The following NRXN1 variants were observed in gnomAD, a reference collection of about 807,000 sequenced individuals.
NRXN1 encodes the protein neurexin 1.
A neutral mutation model predicts 150.9 loss-of-function variants in NRXN1; 39 were observed. That is an observed-to-expected ratio of 0.26 (90% CI 0.20 to 0.34). The LOEUF is 0.34. Among genes scored for constraint, NRXN1 ranks in the 10% least tolerant of loss-of-function variants. NRXN1 has a pLI of 1.00. For synonymous variants in NRXN1, 924 were observed against 757.0 expected (o/e 1.22, Z -3.62); for missense variants, 1,815 against 1,949.9 (o/e 0.93, Z 1.30).
At chr2:50,668,717 G>T (rs1688418147) in intron 5 of NRXN1, among the ~76,000 whole-genome samples, 1 of 151,982 alleles carries the variant, frequency 6.6e-6, no homozygotes, top group South Asian at 2.1e-4. Context: ...GGAACGCATG[G>T]ATAGCATTAA....
At chr2:50,248,104 C>T (rs1418251332) in intron 17 of NRXN1, among the ~76,000 whole-genome samples, 1 of 152,054 alleles carries the variant, frequency 6.6e-6, no homozygotes, top group East Asian at 1.9e-4. Context: ...CCTCAAACAC[C>T]TGGGCTCAAG....
intron 5 of NRXN1, among the ~76,000 whole-genome samples, chr2:50,794,605 G>A (rs1040822152): frequency 6.6e-6 from 1 of 152,020 alleles, no homozygotes; most frequent in East Asian, 1.9e-4. Context: ...AACACAAGGA[G>A]CAATTACTTA....
At chr2:50,910,218 G>T (rs1249149102) in intron 5 of NRXN1, among the ~76,000 whole-genome samples, 1 of 151,848 alleles carries the variant, frequency 6.6e-6, no homozygotes, top group Non-Finnish European at 1.5e-5. Flanking sequence ...TGTAGTTTGT[G>T]ATTTAAAAAG....
At chr2:50,272,204 C>T (rs2069776066) in intron 17 of NRXN1, among the ~76,000 whole-genome samples, 1 of 152,146 alleles carries the variant, frequency 6.6e-6, no homozygotes, top group Non-Finnish European at 1.5e-5. Context: ...ACAAGAAGTT[C>T]TGTAACTCTC....
chr2:50,386,340 A>G (rs2081324627), intron 17 of NRXN1, among the ~76,000 whole-genome samples: 1 of 152,052 alleles, frequency 6.6e-6, no homozygotes, highest in Non-Finnish European at 1.5e-5. Context: ...TATAATTGAA[A>G]ATTATCTTAG....
intron 18 of NRXN1, among the ~76,000 whole-genome samples, chr2:50,163,362 T>C (rs2059481716): frequency 6.6e-6 from 1 of 151,980 alleles, no homozygotes; most frequent in African/African-American, 2.4e-5. Context: ...TCTATTAAAT[T>C]ACCCGCGCAA....
At chr2:50,414,207 ATTGT>A (rs1055619722) in intron 17 of NRXN1, among the ~76,000 whole-genome samples, 2 of 152,058 alleles carry the variant, frequency 1.3e-5, no homozygotes, top group African/African-American at 4.8e-5. Flanking sequence ...GTGTAACTGG[ATTGT>A]TTGTAGCTCA....
chr2:50,335,765 G>A (rs554927879), intron 17 of NRXN1, among the ~76,000 whole-genome samples: 1 of 152,162 alleles, frequency 6.6e-6, no homozygotes, highest in Non-Finnish European at 1.5e-5. Context: ...ACCAGGAAAG[G>A]ATCTCAATTT....
chr2:50,942,897 G>A (rs538980343), intron 2 of NRXN1, among the ~76,000 whole-genome samples: 11 of 152,210 alleles, frequency 7.2e-5, no homozygotes, highest in Admixed American at 3.9e-4. Flanking sequence ...TTTGGTAGGC[G>A]CCAGGGATGG....
intron 18 of NRXN1, among the ~76,000 whole-genome samples, chr2:50,107,537 ATATT>A (rs1412626848): frequency 1.5e-3 from 186 of 122,148 alleles, no homozygotes; most frequent in African/African-American, 5.5e-3. Context: ...ATATATATAT[ATATT>A]TTTTTTTTTT....
At chr2:50,129,143 C>G (rs946862828) in intron 18 of NRXN1, among the ~76,000 whole-genome samples, 1 of 152,130 alleles carries the variant, frequency 6.6e-6, no homozygotes, top group Non-Finnish European at 1.5e-5. Context: ...CACAAACAAA[C>G]AAGAGAAATT....
intron 8 of NRXN1, among the ~76,000 whole-genome samples, chr2:50,563,699 C>G (rs750073400): frequency 6.6e-6 from 1 of 152,174 alleles, no homozygotes; most frequent in Admixed American, 6.5e-5. Context: ...CTGAAATGGA[C>G]TGTTTAATTT....
intron 17 of NRXN1, among the ~76,000 whole-genome samples, chr2:50,455,004 G>C (rs1045710634): frequency 3.3e-5 from 5 of 152,030 alleles, no homozygotes; most frequent in African/African-American, 1.2e-4. Flanking sequence ...CAGCCCAAAT[G>C]AGGGCATCAT....
intron 17 of NRXN1, among the ~76,000 whole-genome samples, chr2:50,305,135 T>C (rs1032599612): frequency 3.9e-5 from 6 of 152,124 alleles, no homozygotes; most frequent in African/African-American, 1.4e-4. Context: ...TTTATTAACT[T>C]GGTAAAATTA....
chr2:50,009,126 T>C (rs548845836), intron 21 of NRXN1, among the ~76,000 whole-genome samples: 22 of 152,252 alleles, frequency 1.4e-4, no homozygotes, highest in African/African-American at 4.8e-4. Context: ...ACAATCTTTG[T>C]ATAGAAGTAA....
At chr2:50,218,200 G>A (rs2152853233) in intron 18 of NRXN1, among the ~76,000 whole-genome samples, 1 of 152,084 alleles carries the variant, frequency 6.6e-6, no homozygotes, top group East Asian at 1.9e-4. Flanking sequence ...CACTATTCAA[G>A]TTTATTGAAG....
In NRXN1 at chr2:50,394,440, G is replaced by C. The variant is rs535966696; in HGVS notation, c.3364+71002C>G. On this transcript the variant is annotated intron_variant, in intron 17 of 22. Coordinates refer to ENST00000401669, the MANE Select transcript of NRXN1 (RefSeq NM_001330078.2). ...ATAACACCACTATTCTCACAATTAA[G>C]TGGGTCAGAATTAAAGAATATATTT... Among the ~76,000 whole-genome samples the C allele has an allele frequency of 2.6e-5, 4 of 152,154 alleles. No homozygotes were observed. The East Asian group carries it at 7.7e-4, about 29-fold the overall frequency.
chr2:50,126,410 C>T (rs1704595217), intron 18 of NRXN1, among the ~76,000 whole-genome samples: 1 of 151,822 alleles, frequency 6.6e-6, no homozygotes, highest in Admixed American at 6.6e-5. Flanking sequence ...TTGGAACATA[C>T]TAAATGTAAT....
At chr2:50,220,729 A>T (rs533520006) in intron 18 of NRXN1, among the ~76,000 whole-genome samples, 1 of 152,000 alleles carries the variant, frequency 6.6e-6, no homozygotes, top group Non-Finnish European at 1.5e-5. Flanking sequence ...TTTTAGCTTT[A>T]GAATGTATAT....
Sources: gnomAD v4.1 joint callset for allele counts (sites outside exome capture counted in the v4.1 genomes callset) on GRCh38, gnomAD v4.1.1 for gene constraint, MANE v1.5 for transcripts, NCBI Gene and HGNC (gene_info 2026-07-23, HGNC 2026-07-21) for gene names.